ZKSCAN2: variants seen among roughly 807,000 people sequenced by gnomAD.
ZKSCAN2 encodes zinc finger with KRAB and SCAN domains 2.
ZKSCAN2 carries 38 observed loss-of-function variants against 90.5 expected under a neutral mutation model. That is an observed-to-expected ratio of 0.42 (90% confidence interval 0.32 to 0.55). The LOEUF is 0.55. Among genes scored for constraint, ZKSCAN2 ranks in the 20% least tolerant of loss-of-function variants. The pLI, the probability that ZKSCAN2 is intolerant of heterozygous loss-of-function variation, is 0.11. For missense variants in ZKSCAN2, 1,167 were observed against 1,202.6 expected (o/e 0.97, Z 0.44); for synonymous variants, 429 against 421.6 (o/e 1.02, Z -0.22).
chr16:25,253,374 C>T (rs1963049256), intron 2 of ZKSCAN2, among the ~76,000 whole-genome samples: 1 of 151,976 alleles, frequency 6.6e-6, no homozygotes, highest in Admixed American at 6.6e-5. Context: ...TGGTACCTTC[C>T]CTCCTTCCCT....
At chr16:25,240,985 C>T (rs997722520) in intron 6 of ZKSCAN2, among the ~76,000 whole-genome samples, 3 of 152,146 alleles carry the variant, frequency 2.0e-5, no homozygotes, top group African/African-American at 4.8e-5. Context: ...ATCCATATCC[C>T]GATTAACAAG....
intron 6 of ZKSCAN2, among the ~76,000 whole-genome samples, chr16:25,242,158 C>T (rs1962864588): frequency 6.6e-6 from 1 of 152,198 alleles, no homozygotes; most frequent in Non-Finnish European, 1.5e-5. Flanking sequence ...GGCCACCACA[C>T]CTGGCCTGTC....
Position 25,236,386 on chromosome 16 carries a change from T to G in ZKSCAN2, c.*3430A>C, listed in dbSNP as rs1429179682. On this transcript the variant is annotated 3_prime_UTR_variant, in exon 7 of 7. Transcript: ENST00000328086. ...GTTTGCTGTCACAGCATCCCCTCCCTTTCCTGAAGCATGCGATGGATTTGG... is the reference window on the plus strand; with the variant it reads ...GTTTGCTGTCACAGCATCCCCTCCCGTTCCTGAAGCATGCGATGGATTTGG... 6.6e-6 allele frequency: 1 copy of G among 152,350 alleles called. No homozygotes were observed. The highest frequency in any genetic ancestry group is 1.5e-5 in the Non-Finnish European group (1 of 68,136). The allele number at this position is 152,350 out of a possible 1,614,324, so 9.4% of individuals were successfully genotyped here. A position where few individuals can be genotyped will look rare whatever the true frequency, so the allele number is the denominator to read the frequency against.
In ZKSCAN2 at chr16:25,240,435, C is replaced by T. The variant is rs142369579; in HGVS notation, c.2285G>A (p.Arg762His). 217 of 1,614,054 alleles carry T rather than the reference C, an allele frequency of 1.3e-4. No homozygotes were observed. Among genetic ancestry groups the T allele is most frequent in the Non-Finnish European group, 1.2e-4 (136 of 1,180,046 alleles). Residue 762 changes from arginine (R) to histidine (H), a missense_variant, in exon 7 of 7, where the codon CGT (arginine) becomes CAT (histidine). Coordinates refer to ENST00000328086, the MANE Select transcript of ZKSCAN2 (RefSeq NM_001012981.5). ...KYGESFGRST[R>H]LMCRMTHHKE... ...GTGGTGGGTCATCCGGCACATCAGA[C>T]GAGTGCTCCTTCCAAAGCTTTCTCC... is the stretch of plus-strand genomic sequence containing the variant.
In ZKSCAN2 at chr16:25,247,357, C is replaced by T. The variant is rs199626499; in HGVS notation, c.839G>A (p.Arg280Gln). The change falls in exon 5 of 7, where the codon CGG becomes CAG. Residue 280 changes from arginine (R) to glutamine (Q), a missense_variant. Transcript: ENST00000328086. ...SAVSTSNKITRLEQRKEPWTL... is the reference protein window; with the variant it reads ...SAVSTSNKITQLEQRKEPWTL... ...CCATGGCTCCTTTCTCTGTTCCAAC[C>T]GGGTTATCTTGTTAGATGTAGACAC... 116 of 1,611,354 alleles carry T rather than the reference C, an allele frequency of 7.2e-5. No homozygotes were observed. The highest frequency in any genetic ancestry group is 5.5e-4 in the African/African-American group (41 of 75,000).
At position 25,239,887 on chromosome 16, in the gene ZKSCAN2, G is replaced by A; in HGVS notation, c.2833C>T (p.His945Tyr). ...EVHVREKPLP[H>Y]PPSLYCPENP... ...TCAGGGCAATACAGAGATGGAGGGTGTGGCAGAGGCTTTTCTCTCACATGA... is the reference window on the plus strand; with the variant it reads ...TCAGGGCAATACAGAGATGGAGGGTATGGCAGAGGCTTTTCTCTCACATGA... Residue 945 changes from histidine (H) to tyrosine (Y), a missense_variant, in exon 7 of 7, where the codon CAC (histidine) becomes TAC (tyrosine). By Grantham distance (83) the His-to-Tyr change is moderately conservative (BLOSUM62 2). Transcript: ENST00000328086. 1.9e-6 allele frequency: 3 copies of A among 1,614,092 alleles called. No homozygotes were observed. The highest frequency in any genetic ancestry group is 2.5e-6 in the Non-Finnish European group (3 of 1,180,006).
rs2277961 is a variant in ZKSCAN2 at position 25,236,443 on chromosome 16, G to A, written c.*3373C>T. ...CAGATGTGGCAGGCACAGGACAGCTGGGCCGGCAGCCTGGTCTTCTAACCT... is the reference window on the plus strand; with the variant it reads ...CAGATGTGGCAGGCACAGGACAGCTAGGCCGGCAGCCTGGTCTTCTAACCT... On this transcript the variant is annotated 3_prime_UTR_variant, in exon 7 of 7. Transcript: ENST00000328086. 0.088 allele frequency: 13,376 copies of A among 152,322 alleles called. 705 individuals are homozygous for A. The highest frequency in any genetic ancestry group is 0.14 in the Middle Eastern group (40 of 294). 9.4% of individuals were successfully genotyped at this position (152,322 alleles called of 1,614,324 possible).
chr16:25,257,381 A>G lies in ZKSCAN2; in HGVS notation c.-254T>C. ...ATGTGACCGCGCAATGTGGTTTTCC[A>G]GAGTGCATCCCTCTTAGTGCAAAGT... On this transcript the variant is annotated 5_prime_UTR_variant, in exon 1 of 7. Coordinates refer to ENST00000328086, the MANE Select transcript of ZKSCAN2 (RefSeq NM_001012981.5). 8.1e-7 allele frequency: 1 copy of G among 1,233,274 alleles called. No individual in the cohort carries two copies. 76.4% of individuals were successfully genotyped at this position (1,233,274 alleles called of 1,614,324 possible).
rs61746579 is a variant in ZKSCAN2, at chr16:25,247,129, T to C, written c.1067A>G (p.Lys356Arg). ...AAGTGTTTCATAAAAGCGAGACTCT[T>C]TGAGAATTGCCAGGAAAGTCTTTGT... ...EETKTFLAIL[K>R]ESRFYETLQA... The change falls in exon 5 of 7, where the codon AAA (lysine) becomes AGA (arginine). Residue 356 changes from lysine (K) to arginine (R), a missense_variant. Lys to Arg is a conservative substitution (Grantham distance 26). Transcript: ENST00000328086. The C allele has an allele frequency of 0.015, 24,368 of 1,614,164 alleles. 252 individuals are homozygous for C. Among genetic ancestry groups the C allele is most frequent in the Non-Finnish European group, 0.018 (21,059 of 1,180,022 alleles).
At position 25,236,112 on chromosome 16, in the gene ZKSCAN2, T is replaced by C. The variant is rs1962764508; in HGVS notation, c.*3704A>G. 6.6e-6 allele frequency: 1 copy of C among 152,240 alleles called. No homozygotes were observed. The highest frequency in any genetic ancestry group is 2.4e-5 in the African/African-American group (1 of 41,470). 9.4% of individuals were successfully genotyped at this position (152,240 alleles called of 1,614,324 possible). ...ACAAAACAATGAATGGACATCCATT[T>C]GCACCAGGTCTTGGAATGCATTCAG... On this transcript the variant is annotated 3_prime_UTR_variant, in exon 7 of 7. Coordinates refer to ENST00000328086, the MANE Select transcript of ZKSCAN2 (RefSeq NM_001012981.5).
chr16:25,241,677 C>G (rs747476183), intron 6 of ZKSCAN2, among the ~76,000 whole-genome samples: 6 of 152,182 alleles, frequency 3.9e-5, no homozygotes, highest in Non-Finnish European at 8.8e-5. Context: ...AACTTAGGCC[C>G]AATTCAGGTT....
chr16:25,248,944 T>C (rs1159402451), intron 4 of ZKSCAN2, among the ~76,000 whole-genome samples: 1 of 152,234 alleles, frequency 6.6e-6, no homozygotes, highest in Non-Finnish European at 1.5e-5. Context: ...AGGAATATTA[T>C]TCTGCCTTAA....
chr16:25,253,125 G>T, intron 2 of ZKSCAN2, 88 bp from the exon 3 acceptor site: 1 of 965,468 alleles, frequency 1.0e-6, no homozygotes, highest in Non-Finnish European at 1.7e-6. Flanking sequence ...AGTATGTATT[G>T]AAACACCAAC....
chr16:25,236,955 G>A lies in ZKSCAN2; in HGVS notation c.*2861C>T, dbSNP rs2112812. The A allele has an allele frequency of 0.29, 44,332 of 152,458 alleles. 7,380 individuals are homozygous for A. Among genetic ancestry groups the A allele is most frequent in the African/African-American group, 0.45 (18,609 of 41,456 alleles). 9.4% of individuals were successfully genotyped at this position (152,458 alleles called of 1,614,324 possible). ...AATATAGGTTGGGGTAGTTGGTTGA[G>A]GTGGGCTGTAAGTTTTGTTGAACTT... is the stretch of plus-strand genomic sequence containing the variant. On this transcript the variant is annotated 3_prime_UTR_variant, in exon 7 of 7. Transcript: ENST00000328086.
Position 25,236,594 on chromosome 16 carries a change from C to T in ZKSCAN2, c.*3222G>A, listed in dbSNP as rs1962771155. On this transcript the variant is annotated 3_prime_UTR_variant, in exon 7 of 7. Coordinates refer to ENST00000328086, the MANE Select transcript of ZKSCAN2 (RefSeq NM_001012981.5). ...AGAGAGGCTATGATGTGTCAAACAACACTCATTTAGTGACAAGATTAAAAC... is the reference window on the plus strand; with the variant it reads ...AGAGAGGCTATGATGTGTCAAACAATACTCATTTAGTGACAAGATTAAAAC... The T allele has an allele frequency of 6.6e-6, 1 of 152,224 alleles. No homozygotes were observed. 9.4% of individuals were successfully genotyped at this position (152,224 alleles called of 1,614,324 possible).
At position 25,239,884 on chromosome 16, in the gene ZKSCAN2, G is replaced by C. The variant is rs1361201671; in HGVS notation, c.2836C>G (p.Pro946Ala). The stretch of plus-strand genomic sequence containing the variant: ...TTCTCAGGGCAATACAGAGATGGAG[G>C]GTGTGGCAGAGGCTTTTCTCTCACA... The part of the protein sequence containing the change: ...VHVREKPLPH[P>A]PSLYCPENPH... The change falls in exon 7 of 7, where the codon CCT (proline) becomes GCT (alanine). Residue 946 changes from proline to alanine, a missense_variant. Transcript: ENST00000328086. 2 of 1,613,864 alleles carry C rather than the reference G, an allele frequency of 1.2e-6. No homozygotes were observed. The highest frequency in any genetic ancestry group is 1.7e-6 in the Non-Finnish European group (2 of 1,179,938).
chr16:25,255,335 C>A lies in ZKSCAN2; in HGVS notation c.457G>T (p.Ala153Ser). 1.2e-6 allele frequency: 2 copies of A among 1,613,346 alleles called. No individual in the cohort carries two copies. The highest frequency in any genetic ancestry group is 1.7e-6 in the Non-Finnish European group (2 of 1,179,886). Residue 153 changes from alanine (A) to serine (S), a missense_variant, in exon 2 of 7, where the codon GCA (alanine) becomes TCA (serine). Transcript: ENST00000328086. ...HSPLGAAWEVADFQPEQVETQ... is the reference protein window; with the variant it reads ...HSPLGAAWEVSDFQPEQVETQ... ...TCCACCTGCTCTGGCTGGAAGTCTG[C>A]CACCTCCCACGCTGCTCCAAGTGGG...
intron 2 of ZKSCAN2, 152 bp downstream of exon 2, chr16:25,255,054 G>C (rs955780039): frequency 2.9e-6 from 2 of 692,760 alleles, no homozygotes; most frequent in African/African-American, 3.8e-5. Context: ...CACTTATATT[G>C]CACATGTTCC....
chr16:25,252,377 T>C (rs898563015), intron 3 of ZKSCAN2, among the ~76,000 whole-genome samples: 2 of 152,098 alleles, frequency 1.3e-5, no homozygotes, highest in African/African-American at 4.8e-5. Context: ...GGGGGAAATA[T>C]ACTCTTGTGG....
Sources: gnomAD v4.1 joint callset for allele counts (sites outside exome capture counted in the v4.1 genomes callset) on GRCh38, gnomAD v4.1.1 for gene constraint, MANE v1.5 for transcripts, NCBI Gene and HGNC (gene_info 2026-07-23, HGNC 2026-07-21) for gene names.